Variants in ADD2 observed in about 807,000 individuals in gnomAD.
The protein encoded by ADD2 is adducin 2.
A neutral mutation model predicts 83.0 loss-of-function variants in ADD2; 23 were observed. That is an observed-to-expected ratio of 0.28 (90% CI 0.20 to 0.39). The LOEUF (loss-of-function observed/expected upper bound fraction) is 0.39. Ranked by LOEUF, ADD2 falls within the 10% of genes least tolerant of loss-of-function variation. The pLI, the probability that ADD2 is intolerant of heterozygous loss-of-function variation, is 1.00. For synonymous variants in ADD2, 375 were observed against 375.4 expected (o/e 1.00, Z 0.01); for missense variants, 758 against 944.9 (o/e 0.80, Z 2.59).
chr2:70,741,890 C>T (rs548195588), intron 1 of ADD2, among the ~76,000 whole-genome samples: 1 of 151,776 alleles, frequency 6.6e-6, no homozygotes, highest in South Asian at 2.1e-4. Flanking sequence ...GCTCCTCCCC[C>T]ACACATCCCA....
intron 4 of ADD2, among the ~76,000 whole-genome samples, chr2:70,703,575 A>T (rs1416899341): frequency 6.6e-6 from 1 of 152,224 alleles, no homozygotes; most frequent in Non-Finnish European, 1.5e-5. Context: ...CACGGATATA[A>T]TCTCAGGTTT....
chr2:70,692,440 C>A lies in ADD2; in HGVS notation c.668G>T (p.Arg223Leu), dbSNP rs781815708. 1.2e-6 allele frequency: 2 copies of A among 1,607,090 alleles called. No individual in the cohort carries two copies. Among genetic ancestry groups the A allele is most frequent in the Admixed American group, 3.4e-5 (2 of 59,044 alleles). ...CGGTGTGTGCAGGTGGATGATGCAG[C>A]GCACGTCGGGCCTCGCTGCATAGAT... Reference protein sequence around the residue: ...SAIYAARPDVRCIIHLHTPAT... With the variant: ...SAIYAARPDVLCIIHLHTPAT... The change falls in exon 7 of 16, where the codon CGC becomes CTC. Residue 223 changes from arginine to leucine, a missense_variant. Arg to Leu is a moderately radical substitution (Grantham distance 102). Around this residue, in one of 5 missense-constraint regions of ADD2, gnomAD observed 394 missense variants for 509.3 expected, o/e 0.77. Transcript: ENST00000264436.
chr2:70,713,409 G>A (rs1672299123), intron 1 of ADD2, among the ~76,000 whole-genome samples: 1 of 152,162 alleles, frequency 6.6e-6, no homozygotes. Context: ...TCAAGAGATC[G>A]GGACCATCCA....
intron 1 of ADD2, among the ~76,000 whole-genome samples, chr2:70,742,794 G>A (rs1553381344): frequency 1.3e-5 from 2 of 152,198 alleles, no homozygotes; most frequent in African/African-American, 4.8e-5. Context: ...CCCTGCCATA[G>A]AACACCATTT....
In ADD2 at chr2:70,656,813, G is replaced by T. The variant is rs1675375178; in HGVS notation, c.*6612C>A. ...AAGCCAAGCACGTTAGATTTACTAG[G>T]GTCATGTCTGCAGGTGAGGTAACAG... On this transcript the variant is annotated 3_prime_UTR_variant, in exon 16 of 16. Coordinates refer to ENST00000264436, the MANE Select transcript of ADD2 (RefSeq NM_001617.4). 6.6e-6 allele frequency: 1 copy of T among 152,082 alleles called. No homozygotes were observed. The highest frequency in any genetic ancestry group is 6.5e-5 in the Admixed American group (1 of 15,272). The allele number at this position is 152,082 out of a possible 1,614,324, so 9.4% of individuals were successfully genotyped here. A position where few individuals can be genotyped will look rare whatever the true frequency, so the allele number is the denominator to read the frequency against.
intron 1 of ADD2, chr2:70,741,255 T>G (rs1470513430): frequency 6.6e-6 from 1 of 152,324 alleles, no homozygotes; most frequent in South Asian, 2.1e-4. Context: ...AAACTCCCTG[T>G]AACAGTGAAT....
chr2:70,675,499 C>A, intron 13 of ADD2: 3 of 985,452 alleles, frequency 3.0e-6, no homozygotes, highest in Non-Finnish European at 3.6e-6. Context: ...GCTGACCAGC[C>A]GGCCCTTACA....
At chr2:70,754,287 C>A (rs1345130913) in intron 1 of ADD2, among the ~76,000 whole-genome samples, 1 of 152,156 alleles carries the variant, frequency 6.6e-6, no homozygotes, top group Non-Finnish European at 1.5e-5. Context: ...TCACATAATT[C>A]TTCGCAGCAC....
chr2:70,675,056 C>G (rs1574224159), intron 13 of ADD2: 1 of 1,278,482 alleles, frequency 7.8e-7, no homozygotes, highest in South Asian at 2.7e-5. Context: ...GGTCCACAGT[C>G]TGCCCCTGAA....
In ADD2 at chr2:70,706,793, C is replaced by A. The variant is rs1049682353; in HGVS notation, c.-34-351G>T. On this transcript the variant is annotated intron_variant, in intron 2 of 15. Transcript: ENST00000264436. The surrounding 1 kb of genome is among the most constrained non-coding windows in gnomAD (Gnocchi z 5.0). Reference sequence around the variant, plus strand: ...AGCATTTCTGTGATGCACACCTATGCAGTGGTAAGCTACTTACTGGAAATC... The same window carrying A: ...AGCATTTCTGTGATGCACACCTATGAAGTGGTAAGCTACTTACTGGAAATC... Among the ~76,000 whole-genome samples, 3 of 152,198 alleles carry A rather than the reference C, an allele frequency of 2.0e-5. No individual in the cohort carries two copies. Among genetic ancestry groups the A allele is most frequent in the Admixed American group, 2.0e-4 (3 of 15,278 alleles).
intron 4 of ADD2, among the ~76,000 whole-genome samples, chr2:70,697,856 T>C (rs1206939307): frequency 6.6e-6 from 1 of 152,146 alleles, no homozygotes; most frequent in African/African-American, 2.4e-5. Flanking sequence ...AGGCCTTGAA[T>C]CACCCATGTC....
At chr2:70,710,057 C>T (rs1337940191) in intron 2 of ADD2, among the ~76,000 whole-genome samples, 1 of 152,170 alleles carries the variant, frequency 6.6e-6, no homozygotes, top group Non-Finnish European at 1.5e-5. Context: ...TGTTTAGTGA[C>T]TCATCATAGT....
chr2:70,753,349 A>C (rs1056295069), intron 1 of ADD2, among the ~76,000 whole-genome samples: 12 of 152,182 alleles, frequency 7.9e-5, no homozygotes, highest in African/African-American at 2.9e-4. Context: ...AAGTATAAAC[A>C]GTGGGGAACA....
At chr2:70,702,137 G>A (rs992862981) in intron 4 of ADD2, among the ~76,000 whole-genome samples, 3 of 152,206 alleles carry the variant, frequency 2.0e-5, no homozygotes, top group Admixed American at 1.3e-4. Context: ...GTCAATGGGG[G>A]GACTTGATAA....
chr2:70,764,788 A>C (rs1574338887), intron 1 of ADD2, among the ~76,000 whole-genome samples: 1 of 151,812 alleles, frequency 6.6e-6, no homozygotes, highest in African/African-American at 2.4e-5. Flanking sequence ...CTACTCAAAC[A>C]GTCTGGGTGA....
intron 1 of ADD2, among the ~76,000 whole-genome samples, chr2:70,753,443 G>A (rs1553383295): frequency 6.6e-6 from 1 of 152,080 alleles, no homozygotes; most frequent in African/African-American, 2.4e-5. Context: ...GAAAGAGGTT[G>A]ATGATGCAGA....
chr2:70,720,210 G>T (rs1290792437), intron 1 of ADD2, among the ~76,000 whole-genome samples: 1 of 152,288 alleles, frequency 6.6e-6, no homozygotes, highest in South Asian at 2.1e-4. Context: ...GACTGGGGAA[G>T]CTGTGAACGT....
chr2:70,683,465 A>G (rs1670563305), intron 10 of ADD2, 126 bp downstream of exon 10: 2 of 1,039,216 alleles, frequency 1.9e-6, no homozygotes, highest in Non-Finnish European at 2.7e-6. Context: ...TTTCCCATCA[A>G]TGAGGCTTCA....
chr2:70,692,627 C>CTGG, intron 6 of ADD2, 75 bp from the exon 7 acceptor site: 1 of 1,439,552 alleles, frequency 6.9e-7, no homozygotes, highest in Non-Finnish European at 9.2e-7. Context: ...GCTGGTGGGC[C>CTGG]CAGCATGTGC....
Sources: allele counts gnomAD v4.1 joint callset (sites outside exome capture counted in the v4.1 genomes callset), GRCh38; gene constraint gnomAD v4.1.1; regional missense constraint gnomAD v4.1.1; non-coding constraint Gnocchi (gnomAD v3.1); transcripts MANE v1.5; gene names NCBI Gene and HGNC (gene_info 2026-07-23, HGNC 2026-07-21).